HDX: variants seen among roughly 807,000 people sequenced by gnomAD.
HDX encodes the protein highly divergent homeobox.
A neutral mutation model predicts 45.2 loss-of-function variants in HDX; 19 were observed. The ratio of observed to expected loss-of-function variants is 0.42; its 90% CI spans 0.29 to 0.62. The LOEUF is 0.62. Ranked by LOEUF, HDX falls within the 20% of genes least tolerant of loss-of-function variation. HDX has a pLI of 0.20. For synonymous variants in HDX, 188 were observed against 172.8 expected, an observed-to-expected ratio of 1.09 and a Z score of -0.69; for missense variants, 532 against 493.9, an observed-to-expected ratio of 1.08 and a Z score of -0.73.
intron 10 of HDX, among the ~76,000 whole-genome samples, chrX:84,325,072 G>A (rs953842686): frequency 4.5e-5 from 5 of 110,783 alleles, no homozygotes; most frequent in African/African-American, 1.6e-4. Flanking sequence ...TGTGTGACAG[G>A]GTGTATGGGG....
At chrX:84,361,854 T>G (rs1467511494) in intron 5 of HDX, among the ~76,000 whole-genome samples, 1 of 112,095 alleles carries the variant, frequency 8.9e-6, no homozygotes, top group African/African-American at 3.2e-5. Context: ...TAAGCAATGT[T>G]GATTTAAAAT....
intron 5 of HDX, among the ~76,000 whole-genome samples, chrX:84,386,975 G>A (rs1421774606): frequency 9.0e-6 from 1 of 110,888 alleles, no homozygotes; most frequent in Non-Finnish European, 1.9e-5. Context: ...AAGGGATTTA[G>A]GGCCATAAAC....
In HDX at chrX:84,468,556, A is replaced by G; in HGVS notation, c.1167T>C (p.Asn389=). 8.4e-7 allele frequency: 1 copy of G among 1,184,265 alleles called. No individual in the cohort carries two copies. ...LHTASSTMYS[N]TNPLRSNFSP... is the part of the protein sequence containing the mutation. ...AAAAATTACTCCGTAATGGATTGGTATTACTGTACATTGTACTAGATGCTG... is the reference window on the plus strand; with the variant it reads ...AAAAATTACTCCGTAATGGATTGGTGTTACTGTACATTGTACTAGATGCTG... The change falls in exon 4 of 11, where the codon AAT becomes AAC. Residue 389 remains asparagine (N), a synonymous_variant. Transcript: ENST00000373177.
intron 2 of HDX, among the ~76,000 whole-genome samples, chrX:84,477,813 C>T (rs144851653): frequency 0.015 from 1,719 of 111,537 alleles, 27 homozygotes; most frequent in African/African-American, 0.053. Flanking sequence ...AACAAATGGT[C>T]GGTTCCCTGG....
chrX:84,343,540 A>C (rs185071503), intron 7 of HDX, among the ~76,000 whole-genome samples: 1 of 111,244 alleles, frequency 9.0e-6, no homozygotes, highest in Non-Finnish European at 1.9e-5. Context: ...ATTTCACAAC[A>C]GTCTCCCAAA....
At chrX:84,465,959 T>C (rs2040345298) in intron 4 of HDX, among the ~76,000 whole-genome samples, 1 of 111,685 alleles carries the variant, frequency 9.0e-6, no homozygotes, top group Non-Finnish European at 1.9e-5. Context: ...TTTCCAAATA[T>C]GAACTAACTA....
chrX:84,433,816 G>A (rs1194481312), intron 5 of HDX, among the ~76,000 whole-genome samples: 1 of 111,273 alleles, frequency 9.0e-6, no homozygotes, highest in Non-Finnish European at 1.9e-5. Flanking sequence ...TCCAGTCCAT[G>A]AGCTTGGAAT....
intron 2 of HDX, among the ~76,000 whole-genome samples, chrX:84,484,497 G>A (rs893947632): frequency 1.1e-5 from 1 of 91,592 alleles, no homozygotes; most frequent in Non-Finnish European, 2.1e-5. Flanking sequence ...ATAGCATGAG[G>A]GATACCACCC....
rs1602389791 is a variant in HDX at position 84,403,320 on chromosome X, A to G, written c.1305+37212T>C. 3.6e-5 allele frequency among the ~76,000 whole-genome samples: 4 copies of G among 111,658 alleles called. No homozygotes were observed. The Admixed American group carries it at 3.8e-4, about 11-fold the overall frequency. On this transcript the variant is annotated intron_variant, in intron 5 of 10. Transcript: ENST00000373177. ...ATGTCTTTTAGATTTTTTTCTATGTAATAGTAAACAAAGCTAAATTTTATT... is the reference window on the plus strand; with the variant it reads ...ATGTCTTTTAGATTTTTTTCTATGTGATAGTAAACAAAGCTAAATTTTATT...
intron 1 of HDX, among the ~76,000 whole-genome samples, chrX:84,501,802 A>G (rs1051397735): frequency 9.0e-6 from 1 of 111,473 alleles, no homozygotes; most frequent in Non-Finnish European, 1.9e-5. Context: ...CAAATTCAGC[A>G]CAGAAATGGC....
intron 5 of HDX, among the ~76,000 whole-genome samples, chrX:84,395,032 C>T (rs1469215152): frequency 1.8e-5 from 2 of 110,873 alleles, no homozygotes; most frequent in Non-Finnish European, 3.8e-5. Flanking sequence ...TCTTGTCATC[C>T]TATGAATTGA....
intron 5 of HDX, among the ~76,000 whole-genome samples, chrX:84,386,685 T>A (rs187422740): frequency 0.11 from 11,887 of 111,079 alleles, 610 homozygotes; most frequent in East Asian, 0.26. Flanking sequence ...TTCTGTGGGA[T>A]CAGTTGTAAT....
chrX:84,442,599 T>C lies in HDX; in HGVS notation c.1252-2014A>G, dbSNP rs184327289. Among the ~76,000 whole-genome samples, 3 of 111,435 alleles carry C rather than the reference T, an allele frequency of 2.7e-5. No homozygotes were observed. The Admixed American group carries it at 2.9e-4, about 11-fold the overall frequency. On this transcript the variant is annotated intron_variant, in intron 4 of 10. Coordinates refer to ENST00000373177, the MANE Select transcript of HDX (RefSeq NM_001177479.2). ...GCTGAAGGTGATAGGAAATTTATTC[T>C]CAAAAATTATTCAAAATGTATTTTT... is the stretch of plus-strand genomic sequence containing the variant.
chrX:84,444,841 T>C lies in HDX; in HGVS notation c.1252-4256A>G, dbSNP rs776473151. ...ATATCAAGATATCAATTATATATGA[T>C]ATGTCTTCATTACTGTACATGGTTG... On this transcript the variant is annotated intron_variant, in intron 4 of 10. Transcript: ENST00000373177. Among the ~76,000 whole-genome samples, 9 of 111,819 alleles carry C rather than the reference T, an allele frequency of 8.0e-5. No individual in the cohort carries two copies. In the East Asian group the frequency reaches 2.5e-3, roughly 32 times the overall value.
At chrX:84,451,497 C>A (rs1450815303) in intron 4 of HDX, among the ~76,000 whole-genome samples, 3 of 108,785 alleles carry the variant, frequency 2.8e-5, no homozygotes, top group Non-Finnish European at 3.8e-5. Flanking sequence ...CCTGAAGAGA[C>A]CAATAAAAAT....
chrX:84,476,015 T>C (rs1477492929), intron 2 of HDX, among the ~76,000 whole-genome samples: 1 of 111,933 alleles, frequency 8.9e-6, no homozygotes, highest in East Asian at 2.8e-4. Context: ...AGCATATACA[T>C]AAAAATTTAA....
intron 5 of HDX, among the ~76,000 whole-genome samples, chrX:84,392,190 T>C (rs1457251492): frequency 1.8e-5 from 2 of 112,087 alleles, no homozygotes; most frequent in Non-Finnish European, 3.8e-5. Context: ...CCCAAATGTA[T>C]GTACTTAGCA....
intron 4 of HDX, among the ~76,000 whole-genome samples, chrX:84,465,542 C>T (rs971053163): frequency 2.7e-5 from 3 of 111,890 alleles, no homozygotes; most frequent in African/African-American, 9.8e-5. Context: ...AAGTTGGAAA[C>T]CATCATTCTC....
intron 2 of HDX, among the ~76,000 whole-genome samples, chrX:84,476,599 GAAAAGAAAAGAA>G (rs1230638859): frequency 1.0e-5 from 1 of 100,327 alleles, no homozygotes; most frequent in Non-Finnish European, 2.0e-5. Flanking sequence ...GAAGGAAGGG[GAAAAGAAAAGAA>G]AAAAGAAAAG....
Sources: allele counts gnomAD v4.1 joint callset (sites outside exome capture counted in the v4.1 genomes callset), GRCh38; gene constraint gnomAD v4.1.1; transcripts MANE v1.5; gene names NCBI Gene and HGNC (gene_info 2026-07-23, HGNC 2026-07-21).